Variants in SRGAP3 observed in about 807,000 individuals in gnomAD.
The protein encoded by SRGAP3 is SLIT-ROBO Rho GTPase activating protein 3.
SRGAP3 carries 39 observed loss-of-function variants against 121.1 expected under a neutral mutation model. That is an observed-to-expected ratio of 0.32 (90% CI 0.25 to 0.42). SRGAP3 has a LOEUF of 0.42. SRGAP3 is among the 10% of genes least tolerant of loss of function. The pLI, the probability that SRGAP3 is intolerant of heterozygous loss-of-function variation, is 1.00. For missense variants in SRGAP3, 1,213 were observed against 1,470.6 expected (o/e 0.82, Z 2.86); for synonymous variants, 601 against 570.0 (o/e 1.05, Z -0.77).
At chr3:9,032,163 T>C (rs1944517046) in intron 12 of SRGAP3, among the ~76,000 whole-genome samples, 1 of 152,196 alleles carries the variant, frequency 6.6e-6, no homozygotes, top group Non-Finnish European at 1.5e-5. Context: ...ATAAAAAATG[T>C]ATGTGTTTCC....
At chr3:9,261,136 G>A (rs1364855946) in intron 3 of SRGAP3, among the ~76,000 whole-genome samples, 2 of 152,158 alleles carry the variant, frequency 1.3e-5, no homozygotes, top group Non-Finnish European at 2.9e-5. Flanking sequence ...CTAACAAACA[G>A]AAAGCAATAG....
chr3:9,342,280 G>A (rs1261415744), intron 1 of SRGAP3, among the ~76,000 whole-genome samples: 2 of 151,848 alleles, frequency 1.3e-5, no homozygotes, highest in Non-Finnish European at 1.5e-5. Flanking sequence ...GAACCCGGGA[G>A]GCAGAGGTTG....
intron 2 of SRGAP3, among the ~76,000 whole-genome samples, chr3:9,117,651 G>C (rs1948852049): frequency 6.6e-6 from 1 of 152,158 alleles, no homozygotes; most frequent in Admixed American, 6.5e-5. Context: ...GCTCCTGGAA[G>C]GTGAGGGGTA....
intron 1 of SRGAP3, among the ~76,000 whole-genome samples, chr3:9,352,584 T>C (rs2030249464): frequency 6.6e-6 from 1 of 152,200 alleles, no homozygotes; most frequent in African/African-American, 2.4e-5. Context: ...TCATGGTCTT[T>C]TGTTAACAGT....
chr3:9,290,987 T>C (rs1022904215), intron 3 of SRGAP3, among the ~76,000 whole-genome samples: 1 of 152,172 alleles, frequency 6.6e-6, no homozygotes, highest in Admixed American at 6.5e-5. Context: ...AGCTATAAAA[T>C]GTGTTTTATG....
intron 1 of SRGAP3, among the ~76,000 whole-genome samples, chr3:9,133,035 TATATG>T (rs973122848): frequency 2.0e-5 from 3 of 148,734 alleles, no homozygotes; most frequent in Admixed American, 6.7e-5. Context: ...TTATTTATAT[TATATG>T]ATATATTATA....
chr3:9,152,342 T>C (rs2125057454), intron 1 of SRGAP3, among the ~76,000 whole-genome samples: 1 of 152,298 alleles, frequency 6.6e-6, no homozygotes, highest in East Asian at 1.9e-4. Context: ...AAGGTGGAGA[T>C]GGGAGAGGGT....
intron 1 of SRGAP3, among the ~76,000 whole-genome samples, chr3:9,334,922 T>C (rs149580734): frequency 1.2e-4 from 18 of 152,270 alleles, no homozygotes; most frequent in African/African-American, 3.6e-4. Flanking sequence ...GGAAAAGGCT[T>C]TGAAATCTGT....
rs1171985755 is a variant in SRGAP3 at position 9,032,769 on chromosome 3, C to A, written c.1437-17G>T. ...CAGGGGGGCCTAGGGGAAAACGGAACAAAAGAAATCAAGAAAGCAACCAAC... is the reference window on the plus strand; with the variant it reads ...CAGGGGGGCCTAGGGGAAAACGGAAAAAAAGAAATCAAGAAAGCAACCAAC... On this transcript the variant is annotated splice_polypyrimidine_tract_variant and intron_variant, in intron 11 of 21. Transcript: ENST00000383836. 6.2e-7 allele frequency: 1 copy of A among 1,607,214 alleles called. No homozygotes were observed. Among genetic ancestry groups the A allele is most frequent in the Non-Finnish European group, 8.5e-7 (1 of 1,174,142 alleles).
intron 2 of SRGAP3, among the ~76,000 whole-genome samples, chr3:9,328,041 AG>A (rs1232842606): frequency 6.6e-6 from 1 of 152,236 alleles, no homozygotes; most frequent in Non-Finnish European, 1.5e-5. Context: ...AAGTCAAAGC[AG>A]TTTATGACCT....
At chr3:9,351,672 T>G (rs2030167112) in intron 1 of SRGAP3, among the ~76,000 whole-genome samples, 1 of 152,204 alleles carries the variant, frequency 6.6e-6, no homozygotes, top group African/African-American at 2.4e-5. Context: ...TTCCTGTACC[T>G]TTTTTATGTT....
chr3:9,125,583 C>T (rs1379670725), intron 1 of SRGAP3, among the ~76,000 whole-genome samples: 1 of 152,212 alleles, frequency 6.6e-6, no homozygotes, highest in Non-Finnish European at 1.5e-5. Flanking sequence ...TCTCAGATAT[C>T]ACACTTCAGA....
intron 3 of SRGAP3, among the ~76,000 whole-genome samples, chr3:9,319,192 C>G (rs1416841409): frequency 6.6e-6 from 1 of 151,592 alleles, no homozygotes; most frequent in Non-Finnish European, 1.5e-5. Context: ...AAAACAGGCT[C>G]AGAGAGATTA....
chr3:9,233,276 G>T (rs780300429), intron 1 of SRGAP3, among the ~76,000 whole-genome samples: 36 of 152,188 alleles, frequency 2.4e-4, no homozygotes, highest in Admixed American at 5.2e-4. Flanking sequence ...TTCACCATGA[G>T]CCGTGATTGA....
chr3:9,275,693 A>G (rs1464791283), intron 3 of SRGAP3, among the ~76,000 whole-genome samples: 1 of 152,140 alleles, frequency 6.6e-6, no homozygotes, highest in Non-Finnish European at 1.5e-5. Flanking sequence ...ACCTGCTGCC[A>G]TGTAAGATGT....
At chr3:9,126,282 C>A (rs1378506296) in intron 1 of SRGAP3, among the ~76,000 whole-genome samples, 1 of 152,182 alleles carries the variant, frequency 6.6e-6, no homozygotes, top group African/African-American at 2.4e-5. Context: ...ATCTATGATG[C>A]AGTGTCCCAA....
intron 1 of SRGAP3, among the ~76,000 whole-genome samples, chr3:9,145,004 C>G (rs1374257217): frequency 6.6e-5 from 10 of 152,180 alleles, no homozygotes; most frequent in Non-Finnish European, 1.5e-4. Flanking sequence ...CCCATATAAT[C>G]TTTCTCTCTC....
At chr3:9,187,038 G>A (rs1038378816) in intron 1 of SRGAP3, among the ~76,000 whole-genome samples, 4 of 151,950 alleles carry the variant, frequency 2.6e-5, no homozygotes, top group East Asian at 1.9e-4. Flanking sequence ...AGGTATACAC[G>A]TGCCATGATG....
At chr3:9,185,454 T>C (rs1480654024) in intron 1 of SRGAP3, among the ~76,000 whole-genome samples, 5 of 152,072 alleles carry the variant, frequency 3.3e-5, no homozygotes, top group African/African-American at 1.2e-4. Context: ...GGGAGGCATA[T>C]CAATGGCACC....
Sources: allele counts gnomAD v4.1 joint callset (sites outside exome capture counted in the v4.1 genomes callset), GRCh38; gene constraint gnomAD v4.1.1; transcripts MANE v1.5; gene names NCBI Gene and HGNC (gene_info 2026-07-23, HGNC 2026-07-21).